Variants in TTLL6 observed in about 807,000 individuals in gnomAD.
The protein encoded by TTLL6 is tubulin tyrosine ligase like 6.
Under a neutral mutation model 96.4 loss-of-function variants are expected in TTLL6, and 75 were observed. That is an observed-to-expected ratio of 0.78 (90% CI 0.65 to 0.94). TTLL6 has a LOEUF of 0.94. Ranked by LOEUF, TTLL6 falls within the 40% of genes least tolerant of loss-of-function variation. The pLI is 0.00. For synonymous variants in TTLL6, 411 were observed against 419.4 expected (o/e 0.98, Z 0.24); for missense variants, 1,030 against 1,093.0 (o/e 0.94, Z 0.81).
intron 15 of TTLL6, among the ~76,000 whole-genome samples, chr17:48,766,072 C>A (rs903869683): frequency 1.3e-5 from 2 of 152,180 alleles, no homozygotes; most frequent in African/African-American, 4.8e-5. Flanking sequence ...AAAAGTGACA[C>A]GAAGAATCAG....
chr17:48,799,473 G>C, intron 6 of TTLL6, 131 bp downstream of exon 6: 4 of 947,790 alleles, frequency 4.2e-6, no homozygotes, highest in Non-Finnish European at 6.3e-6. Flanking sequence ...GTCTGACAAA[G>C]TGCAAGGCAG....
At chr17:48,800,760 G>C (rs530168574) in intron 5 of TTLL6, among the ~76,000 whole-genome samples, 1 of 152,222 alleles carries the variant, frequency 6.6e-6, no homozygotes, top group East Asian at 1.9e-4. Context: ...GTGTGGTCCA[G>C]AGTACTTTAC....
chr17:48,777,051 C>T (rs963571022), intron 13 of TTLL6, among the ~76,000 whole-genome samples: 1 of 150,690 alleles, frequency 6.6e-6, no homozygotes, highest in African/African-American at 2.4e-5. Context: ...CACACACACC[C>T]CTAAAAAATC....
chr17:48,774,183 A>C (rs1379477091), intron 13 of TTLL6, among the ~76,000 whole-genome samples: 1 of 150,420 alleles, frequency 6.6e-6, no homozygotes, highest in Non-Finnish European at 1.5e-5. Context: ...CAATAAAATC[A>C]AAAATAGAAA....
intron 9 of TTLL6, among the ~76,000 whole-genome samples, chr17:48,790,946 G>A (rs569541641): frequency 4.6e-5 from 7 of 152,246 alleles, no homozygotes; most frequent in Middle Eastern, 3.4e-3. Flanking sequence ...CATCCATTTC[G>A]GTGGCAGCAG....
At chr17:48,773,952 C>G (rs2038803866) in intron 13 of TTLL6, among the ~76,000 whole-genome samples, 1 of 150,712 alleles carries the variant, frequency 6.6e-6, no homozygotes, top group African/African-American at 2.4e-5. Flanking sequence ...CGTGGTGGTG[C>G]ATGCCTGTAA....
intron 8 of TTLL6, among the ~76,000 whole-genome samples, chr17:48,793,912 A>G (rs2039272845): frequency 6.6e-6 from 1 of 152,142 alleles, no homozygotes; most frequent in South Asian, 2.1e-4. Context: ...GAGATGGGGA[A>G]GTTGGGCAGG....
At chr17:48,787,722 C>A in intron 11 of TTLL6, 89 bp downstream of exon 11, 1 of 1,334,028 alleles carries the variant, frequency 7.5e-7, no homozygotes, top group Non-Finnish European at 1.0e-6. Flanking sequence ...TGGCTGGGGA[C>A]TCTCCCTGCC....
intron 13 of TTLL6, among the ~76,000 whole-genome samples, chr17:48,781,108 C>T (rs527396346): frequency 7.4e-4 from 112 of 151,488 alleles, no homozygotes; most frequent in South Asian, 6.7e-3. Context: ...AGTGCAGTGG[C>T]GCGATCTTGG....
At chr17:48,794,818 T>C (rs1012035153) in intron 8 of TTLL6, among the ~76,000 whole-genome samples, 8 of 152,322 alleles carry the variant, frequency 5.3e-5, no homozygotes, top group African/African-American at 9.6e-5. Flanking sequence ...CAGAGGTCCT[T>C]TGAAGCCTGG....
At chr17:48,799,873 G>A (rs887964721) in intron 5 of TTLL6, 113 bp from the exon 6 acceptor site, 116 of 949,494 alleles carry the variant, frequency 1.2e-4, no homozygotes, top group Non-Finnish European at 1.8e-4. Flanking sequence ...CAAATCCCTG[G>A]CACTGACAGA....
rs568933512 is a variant in TTLL6 at position 48,785,907 on chromosome 17, G to A, written c.1761+257C>T. 2.6e-5 allele frequency among the ~76,000 whole-genome samples: 4 copies of A among 152,298 alleles called. No homozygotes were observed. In the South Asian group the frequency reaches 6.2e-4, roughly 24 times the overall value. On this transcript the variant is annotated intron_variant, in intron 12 of 15. Coordinates refer to ENST00000393382, the MANE Select transcript of TTLL6 (RefSeq NM_001130918.3). ...CTCAGCCTCCCAGCATGGCCTGGCTGCTCTTACTCCTACTGGAGGAGGCAA... is the reference window on the plus strand; with the variant it reads ...CTCAGCCTCCCAGCATGGCCTGGCTACTCTTACTCCTACTGGAGGAGGCAA...
At chr17:48,816,578 G>C (rs2039670187) in intron 1 of TTLL6, among the ~76,000 whole-genome samples, 1 of 152,210 alleles carries the variant, frequency 6.6e-6, no homozygotes, top group Admixed American at 6.5e-5. Flanking sequence ...AAAATGGGAA[G>C]TGTCTTGCTG....
Position 48,796,138 on chromosome 17 carries a change from G to T in TTLL6, c.921C>A (p.Ile307=). Residue 307 remains isoleucine (I), a synonymous_variant, in exon 8 of 16, where the codon ATC becomes ATA. Coordinates refer to ENST00000393382, the MANE Select transcript of TTLL6 (RefSeq NM_001130918.3). ...SRPCTDNLDD[I]CMHLTNYSIN... is the part of the protein sequence containing the mutation. ...TGGAATAATTAGTCAGGTGCATGCA[G>T]ATATCATCCTGGGGAAAAAGACACA... 1.3e-6 allele frequency: 2 copies of T among 1,551,206 alleles called. No individual in the cohort carries two copies. The highest frequency in any genetic ancestry group is 1.7e-6 in the Non-Finnish European group (2 of 1,146,680).
intron 3 of TTLL6, 62 bp downstream of exon 3, chr17:48,803,829 C>T (rs2039464248): frequency 6.6e-7 from 1 of 1,525,984 alleles, no homozygotes; most frequent in Non-Finnish European, 8.9e-7. Flanking sequence ...AGTGACTCTT[C>T]CCAACCCTTT....
Position 48,769,183 on chromosome 17 carries a change from A to G in TTLL6, c.2482T>C (p.Ser828Pro). 1 of 1,613,992 alleles carries G rather than the reference A, an allele frequency of 6.2e-7. No individual in the cohort carries two copies. Among genetic ancestry groups the G allele is most frequent in the Admixed American group, 1.7e-5 (1 of 60,006 alleles). Residue 828 changes from serine to proline, a missense_variant, in exon 15 of 16, where the codon TCC becomes CCC. Transcript: ENST00000393382. Reference sequence around the variant, plus strand: ...TGAGGACTCTGCAAGAGGAGGGAGGACACATCCAGCTGCCTCTTCTCGCCA... The same window carrying G: ...TGAGGACTCTGCAAGAGGAGGGAGGGCACATCCAGCTGCCTCTTCTCGCCA... ...SSGEKRQLDVSSLLLQSPQSY... is the reference protein window; with the variant it reads ...SSGEKRQLDVPSLLLQSPQSY...
chr17:48,794,947 T>C (rs1007254579), intron 8 of TTLL6, among the ~76,000 whole-genome samples: 1 of 152,174 alleles, frequency 6.6e-6, no homozygotes. Context: ...AGTTTCCTCA[T>C]CTGTAAGATG....
At chr17:48,816,737 G>A (rs1051009653) in intron 1 of TTLL6, among the ~76,000 whole-genome samples, 19 of 152,196 alleles carry the variant, frequency 1.2e-4, no homozygotes, top group Admixed American at 3.3e-4. Flanking sequence ...GAAATCGGGG[G>A]AGGGCGGGAA....
intron 15 of TTLL6, among the ~76,000 whole-genome samples, chr17:48,764,926 C>T (rs1345205039): frequency 2.0e-5 from 3 of 152,130 alleles, no homozygotes. Flanking sequence ...TGAAGAGCCA[C>T]TTATTGTCAC....
Sources: gnomAD v4.1 joint callset for allele counts (sites outside exome capture counted in the v4.1 genomes callset) on GRCh38, gnomAD v4.1.1 for gene constraint, MANE v1.5 for transcripts, NCBI Gene and HGNC (gene_info 2026-07-23, HGNC 2026-07-21) for gene names.